Variants in HMCN2 observed in about 807,000 individuals in gnomAD.
The protein encoded by HMCN2 is hemicentin 2, also known as hemicentin-2.
A neutral mutation model predicts 377.5 loss-of-function variants in HMCN2; 325 were observed. The ratio of observed to expected loss-of-function variants is 0.86; its 90% confidence interval spans 0.79 to 0.94. The LOEUF is 0.94. Ranked by LOEUF, HMCN2 falls within the 40% of genes least tolerant of loss-of-function variation. The pLI, the probability that HMCN2 is intolerant of heterozygous loss-of-function variation, is 0.00. For missense variants in HMCN2, 4,543 were observed against 4,725.3 expected (o/e 0.96, Z 1.13); for synonymous variants, 2,007 against 2,046.8 (o/e 0.98, Z 0.53).
At chr9:130,390,666 G>T (rs374518769) in intron 62 of HMCN2, among the ~76,000 whole-genome samples, 27 of 151,486 alleles carry the variant, frequency 1.8e-4, no homozygotes, top group African/African-American at 6.3e-4. Context: ...ATAGACAGGG[G>T]TAGAGGGGCA....
At position 130,303,518 on chromosome 9, in the gene HMCN2, C is replaced by T. The variant is rs924058037; in HGVS notation, c.1453C>T (p.Arg485Trp). The T allele has an allele frequency of 9.0e-6, 4 of 446,300 alleles. No homozygotes were observed. The highest frequency in any genetic ancestry group is 1.9e-5 in the Non-Finnish European group (4 of 213,210). 27.6% of individuals were successfully genotyped at this position (446,300 alleles called of 1,614,324 possible). A position where few individuals can be genotyped will look rare whatever the true frequency, so the allele number is the denominator to read the frequency against. The change falls in exon 10 of 98, where the codon CGG becomes TGG. Residue 485 changes from arginine to tryptophan, a missense_variant. Arg to Trp is a moderately radical substitution (Grantham distance 101). This residue lies in a region of HMCN2 where 547 missense variants were observed against 189.9 expected (regional missense o/e 2.88). Coordinates refer to ENST00000683500, the MANE Select transcript of HMCN2 (RefSeq NM_001291815.2). The surrounding 1 kb of genome is among the most constrained non-coding windows in gnomAD (Gnocchi z 5.2). ...GGGAAACAGCAGCTGGGAGATCCTG[C>T]GGGCCTCCAAGGCCGAGGAGGGCAC... Reference protein sequence around the residue: ...ESGNSSWEILRASKAEEGTYE... With the variant: ...ESGNSSWEILWASKAEEGTYE...
intron 4 of HMCN2, among the ~76,000 whole-genome samples, chr9:130,288,674 C>T (rs1051888314): frequency 6.6e-6 from 1 of 152,200 alleles, no homozygotes. Flanking sequence ...CCCTTGTTTG[C>T]TGAGCTCCTG....
At chr9:130,373,821 A>G (rs1841217250) in intron 48 of HMCN2, among the ~76,000 whole-genome samples, 1 of 145,518 alleles carries the variant, frequency 6.9e-6, no homozygotes, top group South Asian at 2.2e-4. Context: ...GGATGGGTAG[A>G]TGAATGGGTG....
chr9:130,426,105 A>C, intron 90 of HMCN2, among the ~76,000 whole-genome samples, 181 bp downstream of exon 90: 3 of 148,998 alleles, frequency 2.0e-5, no homozygotes, highest in East Asian at 2.0e-4. Context: ...CCATCCATCC[A>C]CCCCCCACTC....
At chr9:130,279,555 G>A (rs1321566560) in intron 1 of HMCN2, among the ~76,000 whole-genome samples, 1 of 152,114 alleles carries the variant, frequency 6.6e-6, no homozygotes, top group Non-Finnish European at 1.5e-5. Flanking sequence ...GTTTCACCAT[G>A]TTGGCCAGGC....
chr9:130,350,668 C>T (rs538671317), intron 29 of HMCN2, among the ~76,000 whole-genome samples: 23 of 151,920 alleles, frequency 1.5e-4, no homozygotes, highest in South Asian at 6.3e-4. Context: ...GGGCAGATCA[C>T]GAGGTCAGGA....
intron 25 of HMCN2, among the ~76,000 whole-genome samples, 184 bp from the exon 26 acceptor site, chr9:130,346,982 C>T (rs1476294946): frequency 1.3e-5 from 2 of 152,012 alleles, no homozygotes; most frequent in African/African-American, 2.4e-5. Flanking sequence ...GGGTAGGTGG[C>T]GGGTGTGGGG....
rs902356923 is a variant in HMCN2 at position 130,428,493 on chromosome 9, A to T, written c.14197+4A>T. 1.4e-5 allele frequency: 21 copies of T among 1,539,064 alleles called. No homozygotes were observed. Among genetic ancestry groups the T allele is most frequent in the Non-Finnish European group, 1.8e-5 (21 of 1,146,840 alleles). On this transcript the variant is annotated splice_donor_region_variant and intron_variant, in intron 93 of 97. Coordinates refer to ENST00000683500, the MANE Select transcript of HMCN2 (RefSeq NM_001291815.2). The surrounding 1 kb of genome is among the most constrained non-coding windows in gnomAD (Gnocchi z 5.0). ...GCTGATGGGGCCGGCTGTGAAGGTG[A>T]TGGGGGCACAGCATGCGGCCTGTCC...
Position 130,319,644 on chromosome 9 carries a change from G to A in HMCN2, c.2500G>A (p.Gly834Arg), listed in dbSNP as rs989341709. 7,794 of 152,210 alleles carry A rather than the reference G, an allele frequency of 0.051. 289 individuals carry two copies. Among genetic ancestry groups the A allele is most frequent in the South Asian group, 0.075 (362 of 4,812 alleles). The allele number at this position is 152,210 out of a possible 1,614,324, so 9.4% of individuals were successfully genotyped here. A position where few individuals can be genotyped will look rare whatever the true frequency, so the allele number is the denominator to read the frequency against. ...GCCTCTGGGACTCAGGCTGGGGGCC[G>A]GGCGAGGCAGTAGGTCTCGGCAGCC... ...GQPLGLRLGA[G>R]RGSRSRQPDS... The change falls in exon 16 of 98, where the codon GGG becomes AGG. Residue 834 changes from glycine (G) to arginine (R), a missense_variant. Coordinates refer to ENST00000683500, the MANE Select transcript of HMCN2 (RefSeq NM_001291815.2).
rs928299609 is a variant in HMCN2 at position 130,304,813 on chromosome 9, G to A, written c.1627G>A (p.Glu543Lys). Residue 543 changes from glutamate (E) to lysine (K), a missense_variant, in exon 11 of 98, where the codon GAG becomes AAG. This residue lies in a region of HMCN2 where 547 missense variants were observed against 189.9 expected (regional missense o/e 2.88). Transcript: ENST00000683500. The surrounding 1 kb of genome is among the most constrained non-coding windows in gnomAD (Gnocchi z 4.3). Reference protein sequence around the residue: ...TAVLSCRVLGEAPYNLTWVRD... With the variant: ...TAVLSCRVLGKAPYNLTWVRD... ...CGTCCTATCCTGCCGGGTCCTAGGC[G>A]AGGCCCCCTACAACCTGACGTGGGT... The A allele has an allele frequency of 2.8e-5, 13 of 471,038 alleles. 1 individual carries two copies. The highest frequency in any genetic ancestry group is 6.2e-5 in the South Asian group (4 of 64,564). The allele number at this position is 471,038 out of a possible 1,614,324, so 29.2% of individuals were successfully genotyped here.
rs1557124 is a variant in HMCN2, at chr9:130,282,735, A to T, written c.260-1868A>T. On this transcript the variant is annotated intron_variant, in intron 1 of 97. Transcript: ENST00000683500. Reference sequence around the variant, plus strand: ...CTGAGAATGAAAGTTTGTTTACAGCAACTGGAATTTAGAATTCCTGAACTA... The same window carrying T: ...CTGAGAATGAAAGTTTGTTTACAGCTACTGGAATTTAGAATTCCTGAACTA... Among the ~76,000 whole-genome samples the T allele has an allele frequency of 3.9e-5, 6 of 152,150 alleles. No homozygotes were observed. The East Asian group carries it at 1.2e-3, about 29-fold the overall frequency.
At chr9:130,345,744 G>A (rs1839360186) in intron 25 of HMCN2, among the ~76,000 whole-genome samples, 2 of 151,922 alleles carry the variant, frequency 1.3e-5, no homozygotes, top group Admixed American at 6.5e-5. Context: ...AACGGGCACA[G>A]GGGGATTCAG....
At chr9:130,293,997 T>G (rs1588187767) in intron 4 of HMCN2, among the ~76,000 whole-genome samples, 2 of 146,312 alleles carry the variant, frequency 1.4e-5, no homozygotes, top group South Asian at 2.3e-4. Context: ...GCGGGAGGGG[T>G]GGGGTCCAGT....
chr9:130,423,312 C>T lies in HMCN2; in HGVS notation c.13381+586C>T, dbSNP rs1447563694. On this transcript the variant is annotated intron_variant, in intron 87 of 97. Coordinates refer to ENST00000683500, the MANE Select transcript of HMCN2 (RefSeq NM_001291815.2). This position sits in a 1 kb window ranked among gnomAD's most constrained non-coding sequence, Gnocchi z 5.5. ...TCCCTTCCCAAGGAATCCCTGGCCC[C>T]TCGTGGGGGTCCAGGAGGGGCAGTA... Among the ~76,000 whole-genome samples, 1 of 152,152 alleles carries T rather than the reference C, an allele frequency of 6.6e-6. No homozygotes were observed. The highest frequency in any genetic ancestry group is 1.5e-5 in the Non-Finnish European group (1 of 68,016).
intron 85 of HMCN2, among the ~76,000 whole-genome samples, chr9:130,416,073 G>A (rs1843669844): frequency 6.7e-6 from 1 of 149,430 alleles, no homozygotes; most frequent in Non-Finnish European, 1.5e-5. Flanking sequence ...GGCTTCCACT[G>A]TTCTTATCCA....
At chr9:130,380,866 A>G (rs11244098) in intron 54 of HMCN2, among the ~76,000 whole-genome samples, 28,730 of 151,244 alleles carry the variant, frequency 0.19, 3,378 homozygotes, top group Non-Finnish European at 0.27. Flanking sequence ...GTTAGTTCCT[A>G]TTAGAAACCT....
intron 85 of HMCN2, among the ~76,000 whole-genome samples, chr9:130,416,434 C>T (rs1843704854): frequency 6.6e-6 from 1 of 152,074 alleles, no homozygotes; most frequent in African/African-American, 2.4e-5. Flanking sequence ...AATCACCCCA[C>T]ACGTGCTCTT....
chr9:130,397,546 G>C lies in HMCN2; in HGVS notation c.11217G>C (p.Glu3739Asp). 1 of 1,289,858 alleles carries C rather than the reference G, an allele frequency of 7.8e-7. No individual in the cohort carries two copies. Among genetic ancestry groups the C allele is most frequent in the South Asian group, 1.2e-5 (1 of 81,024 alleles). 79.9% of individuals were successfully genotyped at this position (1,289,858 alleles called of 1,614,324 possible). ...PRSPRFEILP[E>D]GSLRIQPVLA... Reference sequence around the variant, plus strand: ...ATTCTAGGTTTGAAATTCTGCCTGAGGGTTCCCTGAGAATCCAGCCAGTCC... The same window carrying C: ...ATTCTAGGTTTGAAATTCTGCCTGACGGTTCCCTGAGAATCCAGCCAGTCC... Residue 3739 changes from glutamate to aspartate, a missense_variant, in exon 74 of 98, where the codon GAG becomes GAC. Glu to Asp is a conservative substitution (Grantham distance 45). This residue lies in a region of HMCN2 where 1,073 missense variants were observed against 1,319.5 expected (regional missense o/e 0.81). Transcript: ENST00000683500.
At chr9:130,406,541 G>C in intron 82 of HMCN2, 1 of 257,682 alleles carries the variant, frequency 3.9e-6, no homozygotes, top group South Asian at 4.6e-5. Context: ...GTGATGTCTA[G>C]GGAGACACAG....
Sources: gnomAD v4.1 joint callset for allele counts (sites outside exome capture counted in the v4.1 genomes callset) on GRCh38, gnomAD v4.1.1 for gene constraint, gnomAD v4.1.1 regional missense constraint, Gnocchi (gnomAD v3.1) non-coding constraint, MANE v1.5 for transcripts, NCBI Gene and HGNC (gene_info 2026-07-23, HGNC 2026-07-21) for gene names.